The following CD99 variants were observed in gnomAD, a reference collection of about 807,000 sequenced individuals.
The protein encoded by CD99 is CD99 antigen.
A neutral mutation model predicts 28.4 loss-of-function variants in CD99; 19 were observed. The ratio of observed to expected loss-of-function variants is 0.67; its 90% CI spans 0.47 to 0.98. CD99 has a LOEUF of 0.98. CD99 is among the 50% of genes least tolerant of loss of function. The pLI is 0.00. For missense variants in CD99, 283 were observed against 248.8 expected, an observed-to-expected ratio of 1.14 and a Z score of -0.92; for synonymous variants, 103 against 92.1, an observed-to-expected ratio of 1.12 and a Z score of -0.67.
At chrX:2,717,199 T>C (rs2048766586) in intron 2 of CD99, among the ~76,000 whole-genome samples, 1 of 151,876 alleles carries the variant, frequency 6.6e-6, no homozygotes. Context: ...ATACAAAAAA[T>C]TAGCCGGGAG....
chrX:2,726,422 A>T, intron 8 of CD99, 49 bp downstream of exon 8: 1 of 1,203,006 alleles, frequency 8.3e-7, no homozygotes. Context: ...GCTGATTGGA[A>T]AACTGTGCTT....
At chrX:2,721,653 C>T (rs974362686) in intron 5 of CD99, among the ~76,000 whole-genome samples, 1 of 152,152 alleles carries the variant, frequency 6.6e-6, no homozygotes, top group Non-Finnish European at 1.5e-5. Flanking sequence ...TTTGTTTGTA[C>T]TGCATTGTAA....
intron 8 of CD99, chrX:2,737,863 CTTT>C (rs762329138): frequency 7.0e-5 from 29 of 414,664 alleles, no homozygotes; most frequent in East Asian, 1.5e-4. Flanking sequence ...GATGCACGTA[CTTT>C]TTTTTTTTTT....
chrX:2,738,568 A>G (rs774304911), intron 9 of CD99, among the ~76,000 whole-genome samples: 1 of 152,154 alleles, frequency 6.6e-6, no homozygotes, highest in East Asian at 2.0e-4. Flanking sequence ...TGTACTAAAA[A>G]TACAAAATTA....
chrX:2,725,331 G>A (rs1051963817), intron 7 of CD99, among the ~76,000 whole-genome samples: 3 of 152,070 alleles, frequency 2.0e-5, no homozygotes, highest in Non-Finnish European at 2.9e-5. Flanking sequence ...CCAGGAGTTT[G>A]AGATTGCAGT....
rs2049770265 is a variant in CD99 at position 2,733,317 on chromosome X, T to G, written c.476-4883T>G. 4 of 1,554,844 alleles carry G rather than the reference T, an allele frequency of 2.6e-6. No homozygotes were observed. The Admixed American group carries it at 7.8e-5, about 30-fold the overall frequency. On this transcript the variant is annotated intron_variant, in intron 8 of 9. Coordinates refer to ENST00000381192, the MANE Select transcript of CD99 (RefSeq NM_002414.5). Reference sequence around the variant, plus strand: ...GCAGACCCAGCACCAGTTTACTTTTTGTATTATTATTTTTTATCGTTTTCA... The same window carrying G: ...GCAGACCCAGCACCAGTTTACTTTTGGTATTATTATTTTTTATCGTTTTCA...
intron 8 of CD99, chrX:2,733,502 C>A: frequency 2.1e-6 from 2 of 937,182 alleles, no homozygotes; most frequent in Non-Finnish European, 3.3e-6. Flanking sequence ...ATTCCCACCA[C>A]GATGGGATTC....
rs2048852429 is a variant in CD99 at position 2,718,613 on chromosome X, C to T, written c.148+961C>T. Reference sequence around the variant, plus strand: ...CTCGATCTCCTGACCTTGTGATCCACGCGCCTTGGCCTCCCAAAGTGCTGG... The same window carrying T: ...CTCGATCTCCTGACCTTGTGATCCATGCGCCTTGGCCTCCCAAAGTGCTGG... On this transcript the variant is annotated intron_variant, in intron 3 of 9. Transcript: ENST00000381192. Among the ~76,000 whole-genome samples the T allele has an allele frequency of 2.0e-5, 3 of 151,666 alleles. No individual in the cohort carries two copies. In the South Asian group the frequency reaches 6.3e-4, roughly 32 times the overall value.
intron 5 of CD99, among the ~76,000 whole-genome samples, chrX:2,722,425 A>AT (rs1315130136): frequency 6.6e-6 from 1 of 152,096 alleles, no homozygotes; most frequent in African/African-American, 2.4e-5. Flanking sequence ...GGTTCAAGTG[A>AT]TTCTCCTGCC....
At chrX:2,697,951 CTTTTGAG>C (rs1382892673) in intron 1 of CD99, among the ~76,000 whole-genome samples, 1 of 151,728 alleles carries the variant, frequency 6.6e-6, no homozygotes. Context: ...GAACATCTGT[CTTTTGAG>C]ACCGTGCCGA....
At chrX:2,696,000 C>T (rs2047558176) in intron 1 of CD99, among the ~76,000 whole-genome samples, 1 of 152,122 alleles carries the variant, frequency 6.6e-6, no homozygotes, top group South Asian at 2.1e-4. Context: ...CAGGGAAAAA[C>T]AAACCAAACT....
At chrX:2,738,135 T>C in intron 8 of CD99, 65 bp from the exon 9 acceptor site, 1 of 1,421,368 alleles carries the variant, frequency 7.0e-7, no homozygotes, top group Non-Finnish European at 1.0e-6. Flanking sequence ...GTGTTTTGTG[T>C]GTATTTTGAG....
In CD99 at chrX:2,741,074, C is replaced by G; in HGVS notation, c.*270C>G. ...TTTCCCATGGGATGTGAAAGGCTGG[C>G]CATTATTAAGTCCCTGTAACTCAAA... On this transcript the variant is annotated 3_prime_UTR_variant, in exon 10 of 10. Transcript: ENST00000381192. The G allele has an allele frequency of 1.9e-6, 1 of 529,260 alleles. No homozygotes were observed. Among genetic ancestry groups the G allele is most frequent in the Non-Finnish European group, 3.4e-6 (1 of 296,064 alleles). 32.8% of individuals were successfully genotyped at this position (529,260 alleles called of 1,614,324 possible).
In CD99 at chrX:2,691,424, C is replaced by T. The variant is rs758881811; in HGVS notation, c.64C>T (p.Pro22Ser). ...CCTGCTGGGTGTTCTGGTCGCCGCC[C>T]CGGGTGAGCGAGCGGAGGGATCCGG... ...FGLLGVLVAA[P>S]DGGFDLSDAL... Residue 22 changes from proline to serine, a missense_variant, in exon 1 of 10, where the codon CCG becomes TCG. By Grantham distance (74) the Pro-to-Ser change is moderately conservative. Transcript: ENST00000381192. The T allele has an allele frequency of 3.2e-6, 5 of 1,583,434 alleles. No homozygotes were observed. The South Asian group carries it at 4.5e-5, about 14-fold the overall frequency.
chrX:2,737,997 G>A (rs1569452028), intron 8 of CD99: 2 of 718,690 alleles, frequency 2.8e-6, no homozygotes, highest in Non-Finnish European at 5.2e-6. Context: ...CCTGTGCCAT[G>A]CATGAAAAAA....
intron 3 of CD99, 191 bp downstream of exon 3, chrX:2,717,843 T>A: frequency 1.6e-6 from 1 of 608,100 alleles, no homozygotes; most frequent in South Asian, 2.2e-5. Flanking sequence ...AAAAGAATGG[T>A]TGCTGATGTG....
At chrX:2,703,112 A>G (rs1291169902) in intron 1 of CD99, among the ~76,000 whole-genome samples, 3 of 152,066 alleles carry the variant, frequency 2.0e-5, no homozygotes, top group Admixed American at 6.5e-5. Flanking sequence ...TCAATAGCAC[A>G]TGTTCTCAGC....
At chrX:2,691,576 C>T in intron 1 of CD99, 149 bp downstream of exon 1, 1 of 883,336 alleles carries the variant, frequency 1.1e-6, no homozygotes, top group Non-Finnish European at 1.8e-6. Flanking sequence ...CACGGGGGCC[C>T]AGGCCCGGAG....
At chrX:2,706,063 G>GA (rs3047482) in intron 1 of CD99, among the ~76,000 whole-genome samples, 2,512 of 142,918 alleles carry the variant, frequency 0.018, 73 homozygotes, top group African/African-American at 0.056. Context: ...ACGTTAAAAA[G>GA]AAAAAAAAAA....
Sources: gnomAD v4.1 joint callset for allele counts (sites outside exome capture counted in the v4.1 genomes callset) on GRCh38, gnomAD v4.1.1 for gene constraint, MANE v1.5 for transcripts, NCBI Gene and HGNC (gene_info 2026-07-23, HGNC 2026-07-21) for gene names.